The following CFAP221 variants were observed in gnomAD, a reference collection of about 807,000 sequenced individuals.
CFAP221 encodes cilia and flagella associated protein 221, also known as cilia- and flagella-associated protein 221.
A neutral mutation model predicts 113.1 loss-of-function variants in CFAP221; 97 were observed. The ratio of observed to expected loss-of-function variants is 0.86; its 90% CI spans 0.73 to 1.02. The LOEUF is 1.02. Among genes scored for constraint, CFAP221 ranks in the 50% least tolerant of loss-of-function variants. The pLI, the probability that CFAP221 is intolerant of heterozygous loss-of-function variation, is 0.00. For synonymous variants in CFAP221, 331 were observed against 354.4 expected (o/e 0.93, Z 0.74); for missense variants, 1,025 against 1,013.4 (o/e 1.01, Z -0.16).
chr2:119,546,536 G>A (rs144469135), intron 2 of CFAP221, among the ~76,000 whole-genome samples: 1 of 152,194 alleles, frequency 6.6e-6, no homozygotes, highest in Non-Finnish European at 1.5e-5. Flanking sequence ...TGTTTCTCAT[G>A]TTCAGCAGGC....
At chr2:119,549,263 T>C in intron 3 of CFAP221, 78 bp downstream of exon 3, 4 of 1,155,334 alleles carry the variant, frequency 3.5e-6, no homozygotes, top group South Asian at 3.1e-5. Context: ...TATTCACTTA[T>C]CTAAAGCACA....
At chr2:119,595,596 T>G (rs2104643601) in intron 7 of CFAP221, among the ~76,000 whole-genome samples, 1 of 152,230 alleles carries the variant, frequency 6.6e-6, no homozygotes, top group East Asian at 1.9e-4. Flanking sequence ...CATAAGTAAC[T>G]ACTGAGCGCC....
chr2:119,615,773 A>ACCATTGCTTGATT, intron 14 of CFAP221, 64 bp downstream of exon 14: 1 of 1,307,232 alleles, frequency 7.6e-7, no homozygotes, highest in Non-Finnish European at 1.1e-6. Flanking sequence ...AAATCAAGCA[A>ACCATTGCTTGATT]TGGTGGTTTG....
At chr2:119,648,845 A>G (rs772824712) in intron 22 of CFAP221, among the ~76,000 whole-genome samples, 1 of 152,184 alleles carries the variant, frequency 6.6e-6, no homozygotes, top group Non-Finnish European at 1.5e-5. Context: ...CTGCTTTACC[A>G]AAAGCCAGAT....
chr2:119,568,271 A>G lies in CFAP221; in HGVS notation c.527+6157A>G, dbSNP rs1681788006. Among the ~76,000 whole-genome samples the G allele has an allele frequency of 5.3e-5, 8 of 152,332 alleles. No homozygotes were observed. The South Asian group carries it at 1.7e-3, about 32-fold the overall frequency. On this transcript the variant is annotated intron_variant, in intron 6 of 23. Coordinates refer to ENST00000413369, the MANE Select transcript of CFAP221 (RefSeq NM_001271049.2). ...CTGTTAGATCAATTAAAAATAAAAA[A>G]TAAAAGTTTTAATTTTACCTTCATT... is the stretch of plus-strand genomic sequence containing the variant.
intron 12 of CFAP221, among the ~76,000 whole-genome samples, chr2:119,609,179 T>A (rs1684978424): frequency 6.6e-6 from 1 of 152,156 alleles, no homozygotes; most frequent in African/African-American, 2.4e-5. Context: ...TGAAGATGGT[T>A]GTTACCTACA....
intron 2 of CFAP221, among the ~76,000 whole-genome samples, chr2:119,548,113 A>G (rs867569294): frequency 1.3e-5 from 2 of 152,042 alleles, no homozygotes; most frequent in Non-Finnish European, 2.9e-5. Context: ...ACAAGCGCAC[A>G]CTACCACACC....
At chr2:119,560,179 G>T (rs182900378) in intron 5 of CFAP221, among the ~76,000 whole-genome samples, 153 bp downstream of exon 5, 32 of 151,732 alleles carry the variant, frequency 2.1e-4, no homozygotes, top group African/African-American at 7.0e-4. Flanking sequence ...TGTGACTGGC[G>T]TGCAAAGCTT....
intron 6 of CFAP221, among the ~76,000 whole-genome samples, chr2:119,582,580 C>T (rs527281614): frequency 1.3e-4 from 19 of 151,978 alleles, no homozygotes; most frequent in South Asian, 4.2e-4. Flanking sequence ...CTCAGCCTCC[C>T]GAGCAGCTGG....
chr2:119,575,605 T>C (rs1011713648), intron 6 of CFAP221, among the ~76,000 whole-genome samples: 5 of 151,652 alleles, frequency 3.3e-5, no homozygotes, highest in African/African-American at 1.2e-4. Flanking sequence ...GAATGGGGAG[T>C]TGGTGTTTAA....
chr2:119,645,703 T>G (rs1348016140), intron 21 of CFAP221, among the ~76,000 whole-genome samples: 1 of 152,166 alleles, frequency 6.6e-6, no homozygotes, highest in Non-Finnish European at 1.5e-5. Flanking sequence ...GAGCCATCAA[T>G]TAATCCCTGC....
chr2:119,554,111 A>G (rs772164958), intron 3 of CFAP221, among the ~76,000 whole-genome samples: 1 of 152,238 alleles, frequency 6.6e-6, no homozygotes, highest in Non-Finnish European at 1.5e-5. Context: ...CGGAAGCTTA[A>G]GGCAGTTACC....
chr2:119,635,799 G>A (rs955881219), intron 19 of CFAP221, among the ~76,000 whole-genome samples: 11 of 152,162 alleles, frequency 7.2e-5, no homozygotes, highest in Non-Finnish European at 1.6e-4. Context: ...GCTGATCTCT[G>A]GTCATTCAGT....
In CFAP221 at chr2:119,611,666, A is replaced by T. The variant is rs758283586; in HGVS notation, c.1235A>T (p.Asp412Val). 3 of 1,613,246 alleles carry T rather than the reference A, an allele frequency of 1.9e-6. No homozygotes were observed. Among genetic ancestry groups the T allele is most frequent in the Admixed American group, 1.7e-5 (1 of 59,752 alleles). Residue 412 changes from aspartate (D) to valine (V), a missense_variant, in exon 13 of 24, where the codon GAT becomes GTT. Transcript: ENST00000413369. ...TTAAAAACCCAGCTAGACAGAGGAG[A>T]TCCTATTTTGGATGAGGAATTTCAG... is the stretch of plus-strand genomic sequence containing the variant. ...ACAKYKLDRG[D>V]PILDEEFQRL...
chr2:119,650,593 A>G (rs1208751989), intron 22 of CFAP221, among the ~76,000 whole-genome samples: 1 of 152,258 alleles, frequency 6.6e-6, no homozygotes, highest in East Asian at 1.9e-4. Flanking sequence ...GATGCTGATG[A>G]GAATAGTAAT....
At chr2:119,559,850 T>A in intron 4 of CFAP221, 75 bp downstream of exon 4, 1 of 1,465,920 alleles carries the variant, frequency 6.8e-7, no homozygotes, top group Non-Finnish European at 9.2e-7. Flanking sequence ...GTGGGGGGTG[T>A]GTGGTGTGTT....
chr2:119,602,159 C>T (rs1399691100), intron 8 of CFAP221, among the ~76,000 whole-genome samples: 1 of 152,128 alleles, frequency 6.6e-6, no homozygotes, highest in Non-Finnish European at 1.5e-5. Context: ...ACGGGTGGAT[C>T]ACCTGAGGTC....
chr2:119,615,575 TTAAATG>T, intron 13 of CFAP221, 30 bp from the exon 14 acceptor site: 1 of 1,449,326 alleles, frequency 6.9e-7, no homozygotes, highest in Non-Finnish European at 9.4e-7. Context: ...GAGTTAAAAT[TTAAATG>T]TAAGATGTGC....
intron 6 of CFAP221, among the ~76,000 whole-genome samples, chr2:119,565,652 G>C (rs565261824): frequency 6.6e-6 from 1 of 152,238 alleles, no homozygotes; most frequent in South Asian, 2.1e-4. Context: ...ATAATGATGT[G>C]ATATTTTTAA....
Sources: allele counts gnomAD v4.1 joint callset (sites outside exome capture counted in the v4.1 genomes callset), GRCh38; gene constraint gnomAD v4.1.1; transcripts MANE v1.5; gene names NCBI Gene and HGNC (gene_info 2026-07-23, HGNC 2026-07-21).